The following TRIP12 variants were observed in gnomAD, a reference collection of about 807,000 sequenced individuals.
TRIP12 encodes thyroid hormone receptor interactor 12.
A neutral mutation model predicts 244.2 loss-of-function variants in TRIP12; 25 were observed. That is an observed-to-expected ratio of 0.10 (90% CI 0.07 to 0.14). The LOEUF (loss-of-function observed/expected upper bound fraction) is 0.14. Among genes scored for constraint, TRIP12 ranks in the 10% least tolerant of loss-of-function variants. TRIP12 has a pLI of 1.00. For missense variants in TRIP12, 1,677 were observed against 2,486.4 expected (o/e 0.67, Z 6.92); for synonymous variants, 905 against 873.1 (o/e 1.04, Z -0.64).
At position 229,799,065 on chromosome 2, in the gene TRIP12, A is replaced by G. The variant is rs774131523; in HGVS notation, c.3308-16T>C. On this transcript the variant is annotated splice_polypyrimidine_tract_variant and intron_variant, in intron 22 of 41. Coordinates refer to ENST00000675903, the MANE Select transcript of TRIP12 (RefSeq NM_001348323.3). ...GGGCTTTTAGCTATGAAAAGAAAAA[A>G]GAACTACAGTTAAGTCATTTTAGTT... is the stretch of plus-strand genomic sequence containing the variant. 6.2e-7 allele frequency: 1 copy of G among 1,612,794 alleles called. No individual in the cohort carries two copies. The highest frequency in any genetic ancestry group is 8.5e-7 in the Non-Finnish European group (1 of 1,179,668).
chr2:229,845,763 C>T (rs1011889343), intron 4 of TRIP12, among the ~76,000 whole-genome samples: 2 of 152,046 alleles, frequency 1.3e-5, no homozygotes, highest in African/African-American at 4.8e-5. Context: ...TAGTGGCTCA[C>T]ATCTGTAAGC....
Position 229,774,394 on chromosome 2 carries a change from T to C in TRIP12, c.5530-133A>G, listed in dbSNP as rs562167842. ...ATGGGTTCAACTCTTAGCCTCTTTATTTTTTTCCTGGTCATAATCTACATA... is the reference window on the plus strand; with the variant it reads ...ATGGGTTCAACTCTTAGCCTCTTTACTTTTTTCCTGGTCATAATCTACATA... On this transcript the variant is annotated intron_variant, in intron 37 of 41. Coordinates refer to ENST00000675903, the MANE Select transcript of TRIP12 (RefSeq NM_001348323.3). 4.3e-5 allele frequency: 37 copies of C among 863,624 alleles called. No individual in the cohort carries two copies. In the South Asian group the frequency reaches 7.7e-4, roughly 18 times the overall value. The allele number at this position is 863,624 out of a possible 1,614,324, so 53.5% of individuals were successfully genotyped here.
intron 25 of TRIP12, 67 bp downstream of exon 25, chr2:229,796,524 G>T (rs759613265): frequency 8.9e-6 from 12 of 1,341,122 alleles, no homozygotes; most frequent in Non-Finnish European, 1.2e-5. Context: ...TTATTACTGA[G>T]ATGAAAATAT....
At chr2:229,885,779 A>G (rs781382205) in intron 1 of TRIP12, among the ~76,000 whole-genome samples, 1 of 152,050 alleles carries the variant, frequency 6.6e-6, no homozygotes, top group Non-Finnish European at 1.5e-5. Context: ...TGACAAGACA[A>G]TCCCTCCTCA....
Position 229,813,879 on chromosome 2 carries a change from T to C in TRIP12, c.1977A>G (p.Leu659=). Residue 659 remains leucine, a synonymous_variant, in exon 13 of 42, where the codon CTA becomes CTG. Coordinates refer to ENST00000675903, the MANE Select transcript of TRIP12 (RefSeq NM_001348323.3). ...TAGATGCATATTTTACCTGATGTGT[T>C]AGCCTTTGGGTTAGCAATGGGAGTG... ...ADSLPLLTQR[L]THQDKKSVES... 6.5e-7 allele frequency: 1 copy of C among 1,534,798 alleles called. No individual in the cohort carries two copies. Among genetic ancestry groups the C allele is most frequent in the Non-Finnish European group, 8.9e-7 (1 of 1,125,824 alleles).
chr2:229,844,697 G>A (rs920570226), intron 4 of TRIP12, among the ~76,000 whole-genome samples: 4 of 151,948 alleles, frequency 2.6e-5, no homozygotes, highest in Non-Finnish European at 5.9e-5. Context: ...TATAAAAATC[G>A]GGCAGGGACG....
intron 4 of TRIP12, among the ~76,000 whole-genome samples, chr2:229,846,014 CA>C (rs34840494): frequency 0.43 from 50,335 of 117,510 alleles, 8,778 homozygotes; most frequent in East Asian, 0.61. Context: ...CTCTTTTTTT[CA>C]AAAAAAAAAA....
At chr2:229,860,775 T>C (rs1012766827) in intron 2 of TRIP12, among the ~76,000 whole-genome samples, 1 of 151,954 alleles carries the variant, frequency 6.6e-6, no homozygotes, top group Non-Finnish European at 1.5e-5. Flanking sequence ...GTAGTCATAA[T>C]TGCACAGCGT....
At chr2:229,830,118 C>A (rs1187322039) in intron 7 of TRIP12, among the ~76,000 whole-genome samples, 1 of 152,040 alleles carries the variant, frequency 6.6e-6, no homozygotes. Flanking sequence ...AAAATACATA[C>A]CCATCCATAC....
chr2:229,909,453 G>T (rs1158889908), intron 1 of TRIP12, among the ~76,000 whole-genome samples: 4 of 151,864 alleles, frequency 2.6e-5, no homozygotes, highest in African/African-American at 9.7e-5. Context: ...AGCTAGTCAA[G>T]AGGTTAGGGT....
chr2:229,881,546 T>C (rs1428561690), intron 1 of TRIP12, among the ~76,000 whole-genome samples: 1 of 152,258 alleles, frequency 6.6e-6, no homozygotes, highest in Non-Finnish European at 1.5e-5. Context: ...TTTTGGGTTA[T>C]ATTGTTGATA....
At chr2:229,821,697 C>G (rs2154290526) in intron 8 of TRIP12, among the ~76,000 whole-genome samples, 1 of 152,146 alleles carries the variant, frequency 6.6e-6, no homozygotes, top group African/African-American at 2.4e-5. Flanking sequence ...TAAAAACAAG[C>G]AGGAGCGTGG....
intron 1 of TRIP12, among the ~76,000 whole-genome samples, chr2:229,896,442 A>G (rs1262584864): frequency 6.6e-6 from 1 of 152,078 alleles, no homozygotes; most frequent in Non-Finnish European, 1.5e-5. Flanking sequence ...GCTCGGGACC[A>G]GCCTGGCCAA....
chr2:229,771,666 A>G, intron 38 of TRIP12, 34 bp from the exon 39 acceptor site: 3 of 1,521,812 alleles, frequency 2.0e-6, no homozygotes, highest in East Asian at 2.3e-5. Context: ...AACTGTGACA[A>G]GATTTCAAAT....
intron 8 of TRIP12, 63 bp downstream of exon 8, chr2:229,829,130 A>G: frequency 6.8e-7 from 1 of 1,462,494 alleles, no homozygotes; most frequent in Non-Finnish European, 9.5e-7. Flanking sequence ...TCAATAGGTT[A>G]CAAGTAACAA....
chr2:229,877,815 A>G (rs2063908061), intron 2 of TRIP12, among the ~76,000 whole-genome samples: 1 of 152,232 alleles, frequency 6.6e-6, no homozygotes, highest in Non-Finnish European at 1.5e-5. Context: ...TCAACAGCAC[A>G]CGTTATAAGT....
chr2:229,820,149 T>C (rs1400862223), intron 8 of TRIP12, among the ~76,000 whole-genome samples: 1 of 152,154 alleles, frequency 6.6e-6, no homozygotes. Context: ...GATTCTAACA[T>C]GACTTTAAAA....
At chr2:229,831,416 T>C (rs1191732369) in intron 6 of TRIP12, among the ~76,000 whole-genome samples, 1 of 152,210 alleles carries the variant, frequency 6.6e-6, no homozygotes, top group Non-Finnish European at 1.5e-5. Flanking sequence ...GGCTCACTCC[T>C]GTAATACCAA....
chr2:229,782,008 G>A (rs1396846581), intron 34 of TRIP12, among the ~76,000 whole-genome samples: 3 of 152,126 alleles, frequency 2.0e-5, no homozygotes, highest in Non-Finnish European at 2.9e-5. Context: ...TAGGTTTCAC[G>A]CAAGATGCAA....
Sources: gnomAD v4.1 joint callset for allele counts (sites outside exome capture counted in the v4.1 genomes callset) on GRCh38, gnomAD v4.1.1 for gene constraint, MANE v1.5 for transcripts, NCBI Gene and HGNC (gene_info 2026-07-23, HGNC 2026-07-21) for gene names.